UPF3B: variants seen among roughly 807,000 people sequenced by gnomAD.
UPF3B encodes UPF3B regulator of nonsense mediated mRNA decay, also known as regulator of nonsense transcripts 3B.
A neutral mutation model predicts 40.3 loss-of-function variants in UPF3B; 7 were observed. The observed-to-expected ratio is 0.17, with a 90% CI of 0.10 to 0.33. UPF3B has a LOEUF of 0.33. UPF3B is among the 10% of genes least tolerant of loss of function. The probability of loss-of-function intolerance (pLI) is 1.00; values close to 1 mark genes in which losing one functional copy is unlikely to be tolerated. For missense variants in UPF3B, 229 were observed against 358.9 expected (o/e 0.64, Z 2.93); for synonymous variants, 117 against 117.3 (o/e 1.00, Z 0.01).
Position 119,820,314 on chromosome X carries a change from T to C in UPF3B, c.494+2628A>G, listed in dbSNP as rs538998245. Among the ~76,000 whole-genome samples, 5 of 108,071 alleles carry C rather than the reference T, an allele frequency of 4.6e-5. 1 individual carries two copies. Among genetic ancestry groups the C allele is most frequent in the African/African-American group, 1.7e-4 (5 of 29,411 alleles). The allele number at this position is 108,071 out of a possible 115,157, so 93.8% of individuals were successfully genotyped here. A position where few individuals can be genotyped will look rare whatever the true frequency, so the allele number is the denominator to read the frequency against. On this transcript the variant is annotated intron_variant, in intron 4 of 6. Coordinates refer to the UPF3B transcript ENST00000636792. ...GTGCTCCACCAAGCCCGGCCAAATTTTTTTTTTGTATTTTTTGGTAGAGAT... is the reference window on the plus strand; with the variant it reads ...GTGCTCCACCAAGCCCGGCCAAATTCTTTTTTTGTATTTTTTGGTAGAGAT...
rs1184079001 is a variant in UPF3B at position 119,838,258 on chromosome X, C to A, written c.1007+109G>T. 5 of 966,089 alleles carry A rather than the reference C, an allele frequency of 5.2e-6. No homozygotes were observed. In the East Asian group the frequency reaches 1.5e-4, roughly 30 times the overall value. 79.6% of individuals were successfully genotyped at this position (966,089 alleles called of 1,213,427 possible). A position where few individuals can be genotyped will look rare whatever the true frequency, so the allele number is the denominator to read the frequency against. On this transcript the variant is annotated intron_variant, in intron 9 of 10. Coordinates refer to ENST00000276201, the MANE Select transcript of UPF3B (RefSeq NM_080632.3). ...TATTCTGAAACTGTTCCTCCTCATCCCCCTGCCCTGCATAAAACAGCTTAT... is the reference window on the plus strand; with the variant it reads ...TATTCTGAAACTGTTCCTCCTCATCACCCTGCCCTGCATAAAACAGCTTAT...
At chrX:119,845,394 G>A in intron 3 of UPF3B, 98 bp from the exon 4 acceptor site, 1 of 687,728 alleles carries the variant, frequency 1.5e-6, no homozygotes, top group Non-Finnish European at 2.3e-6. Context: ...TCTTTTGATG[G>A]CAGTCATCTG....
At chrX:119,845,924 T>C (rs950950550) in intron 3 of UPF3B, among the ~76,000 whole-genome samples, 2 of 111,721 alleles carry the variant, frequency 1.8e-5, no homozygotes, top group African/African-American at 6.5e-5. Context: ...AACTTGATTG[T>C]ATATATTTCA....
chrX:119,834,734 C>G lies in UPF3B; in HGVS notation c.*144G>C. 1 of 1,167,609 alleles carries G rather than the reference C, an allele frequency of 8.6e-7. No homozygotes were observed. Among genetic ancestry groups the G allele is most frequent in the Non-Finnish European group, 1.1e-6 (1 of 876,534 alleles). ...CTCTGATCAGATTCCTGCTTTGACACAAGACTTACTCCTCTGCAGTGTACC... is the reference window on the plus strand; with the variant it reads ...CTCTGATCAGATTCCTGCTTTGACAGAAGACTTACTCCTCTGCAGTGTACC... On this transcript the variant is annotated 3_prime_UTR_variant, in exon 11 of 11. Transcript: ENST00000276201.
At position 119,822,489 on chromosome X, in the gene UPF3B, CTTTAA is replaced by C. The variant is rs368782525; in HGVS notation, c.494+448_494+452del. 3.2e-3 allele frequency among the ~76,000 whole-genome samples: 359 copies of C among 113,137 alleles called. 3 individuals carry two copies. Among genetic ancestry groups the C allele is most frequent in the African/African-American group, 0.01 (319 of 31,225 alleles). ...TCCTCGCCATCAGCATTTTCTGACA[CTTTAA>C]TTTATAGAAATTGCAAAAACAATAA... On this transcript the variant is annotated intron_variant, in intron 4 of 6. Transcript: ENST00000636792.
intron 3 of UPF3B, among the ~76,000 whole-genome samples, chrX:119,846,212 C>A (rs1181143568): frequency 1.9e-5 from 2 of 107,157 alleles, no homozygotes; most frequent in African/African-American, 6.8e-5. Context: ...CACGTGCCTG[C>A]AATCCCAGCT....
exon 4 of UPF3B, chrX:119,822,983 G>A: frequency 1.1e-6 from 1 of 901,421 alleles, no homozygotes; most frequent in Non-Finnish European, 1.4e-6. Flanking sequence ...TTGTCATCAG[G>A]GTGCCAGAGT....
chrX:119,831,614 T>A, downstream of UPF3B: 1 of 675,603 alleles, frequency 1.5e-6, no homozygotes, highest in Non-Finnish European at 1.8e-6. Flanking sequence ...CCACCACGCC[T>A]GGCCTCCTCC....
At chrX:119,841,858 C>T (rs1414735362) in intron 5 of UPF3B, 80 bp from the exon 6 acceptor site, 3 of 876,369 alleles carry the variant, frequency 3.4e-6, no homozygotes, top group Non-Finnish European at 5.0e-6. Flanking sequence ...CCCTGCCAAC[C>T]ACCCAAGGTG....
intron 3 of UPF3B, among the ~76,000 whole-genome samples, chrX:119,828,024 G>A (rs1476160296): frequency 9.4e-6 from 1 of 106,174 alleles, no homozygotes; most frequent in Non-Finnish European, 1.9e-5. Context: ...GTGTGACGCC[G>A]TGCCCGACCT....
At chrX:119,849,752 T>C (rs1016411867) in intron 3 of UPF3B, among the ~76,000 whole-genome samples, 1 of 110,373 alleles carries the variant, frequency 9.1e-6, no homozygotes, top group Admixed American at 9.8e-5. Flanking sequence ...GGCAATATAA[T>C]AGACTGAATT....
chrX:119,812,298 G>T (rs2055833192), intron 5 of UPF3B, among the ~76,000 whole-genome samples: 1 of 111,416 alleles, frequency 9.0e-6, no homozygotes, highest in Non-Finnish European at 1.9e-5. Flanking sequence ...TGCAAGCCAT[G>T]ATTCTTTCTG....
At chrX:119,843,698 G>A (rs1856391007) in intron 4 of UPF3B, among the ~76,000 whole-genome samples, 1 of 112,371 alleles carries the variant, frequency 8.9e-6, no homozygotes, top group African/African-American at 3.2e-5. Flanking sequence ...TTCTCTCCTA[G>A]ACCTCTAACA....
intron 3 of UPF3B, among the ~76,000 whole-genome samples, chrX:119,850,112 G>A (rs778395239): frequency 3.6e-5 from 4 of 109,930 alleles, no homozygotes; most frequent in African/African-American, 1.0e-4. Flanking sequence ...CCTGGGCAAC[G>A]TAGTGAGACC....
Position 119,823,556 on chromosome X carries a change from CTCTTTTTTTTTTT to C in UPF3B, c.393-526_393-514del, listed in dbSNP as rs2055946127. The stretch of plus-strand genomic sequence containing the variant: ...CTGGCCCATTTCTTTTCTTTTTTTC[CTCTTTTTTTTTTT>C]TTTTTTTTGTCTGAGACAGAGTCTT... On this transcript the variant is annotated intron_variant, in intron 3 of 6. Coordinates refer to the UPF3B transcript ENST00000636792. Among the ~76,000 whole-genome samples, 3 of 42,087 alleles carry C rather than the reference CTCTTTTTTTTTTT, an allele frequency of 7.1e-5. No individual in the cohort carries two copies. In the African/African-American group the frequency reaches 1.1e-3, roughly 16 times the overall value. 36.5% of individuals were successfully genotyped at this position (42,087 alleles called of 115,157 possible).
chrX:119,851,690 C>A, intron 2 of UPF3B, 77 bp downstream of exon 2: 1 of 959,021 alleles, frequency 1.0e-6, no homozygotes. Context: ...GCTCAAAAAT[C>A]AAATGAAAAA....
chrX:119,825,100 G>A (rs1355382505), intron 3 of UPF3B, among the ~76,000 whole-genome samples: 2 of 111,108 alleles, frequency 1.8e-5, no homozygotes, highest in Non-Finnish European at 1.9e-5. Context: ...GTATTAGTCC[G>A]TTTTCACACT....
Position 119,837,796 on chromosome X carries a change from C to T in UPF3B, c.1263G>A (p.Lys421=). 1.7e-6 allele frequency: 2 copies of T among 1,210,710 alleles called. No individual in the cohort carries two copies. The highest frequency in any genetic ancestry group is 2.2e-6 in the Non-Finnish European group (2 of 895,398). ...ESIGSSEKTE[K]KEEVVKRDRI... Reference sequence around the variant, plus strand: ...GATCTCTCTTGACCACTTCTTCTTTCTTTTCAGTTTTTTCTGAGCTGCCTA... The same window carrying T: ...GATCTCTCTTGACCACTTCTTCTTTTTTTTCAGTTTTTTCTGAGCTGCCTA... Residue 421 remains lysine, a synonymous_variant, in exon 10 of 11, where the codon AAG becomes AAA. Coordinates refer to ENST00000276201, the MANE Select transcript of UPF3B (RefSeq NM_080632.3).
At chrX:119,815,233 G>A in exon 5 of UPF3B, 1 of 800,214 alleles carries the variant, frequency 1.2e-6, no homozygotes. Flanking sequence ...CTCCAGACTT[G>A]GTTATGTCAT....
Sources: gnomAD v4.1 joint callset for allele counts (sites outside exome capture counted in the v4.1 genomes callset) on GRCh38, gnomAD v4.1.1 for gene constraint, MANE v1.5 for transcripts, NCBI Gene and HGNC (gene_info 2026-07-23, HGNC 2026-07-21) for gene names.